DHRS12: variants seen among roughly 807,000 people sequenced by gnomAD.
DHRS12 encodes dehydrogenase/reductase 12.
Under a neutral mutation model 32.1 loss-of-function variants are expected in DHRS12, and 29 were observed. That is an observed-to-expected ratio of 0.90 (90% confidence interval 0.67 to 1.23). The LOEUF (loss-of-function observed/expected upper bound fraction) is 1.23, where lower values mean the gene tolerates loss of function less well. Among genes scored for constraint, DHRS12 ranks in the 50% most tolerant of loss-of-function variants. The pLI, the probability that DHRS12 is intolerant of heterozygous loss-of-function variation, is 0.00. For missense variants in DHRS12, 330 were observed against 337.2 expected, an observed-to-expected ratio of 0.98 and a Z score of 0.17; for synonymous variants, 150 against 135.9, an observed-to-expected ratio of 1.10 and a Z score of -0.72.
intron 4 of DHRS12, chr13:51,789,705 T>C (rs1284451835): frequency 1.0e-6 from 1 of 985,304 alleles, no homozygotes; most frequent in African/African-American, 1.7e-5. Flanking sequence ...GTTTTTAGAC[T>C]TGCACTCAAC....
chr13:51,758,531 A>G, the DHRS12 span, among the ~76,000 whole-genome samples: 1 of 150,608 alleles, frequency 6.6e-6, no homozygotes, highest in East Asian at 2.0e-4. Flanking sequence ...AGCCTGAGCA[A>G]CAAAGCAAGA....
chr13:51,797,311 G>A (rs1008752876), intron 2 of DHRS12, among the ~76,000 whole-genome samples: 3 of 152,038 alleles, frequency 2.0e-5, no homozygotes, highest in South Asian at 2.1e-4. Context: ...ATTTTGCACC[G>A]AGCCCCACTA....
chr13:51,771,980 A>G, intron 6 of DHRS12, 69 bp from the exon 7 acceptor site: 1 of 1,428,986 alleles, frequency 7.0e-7, no homozygotes, highest in Non-Finnish European at 9.8e-7. Context: ...GCAGGGGATA[A>G]GCCCTGCCCA....
At chr13:51,754,977 C>T in the DHRS12 span, among the ~76,000 whole-genome samples, 1 of 152,134 alleles carries the variant, frequency 6.6e-6, no homozygotes, top group African/African-American at 2.4e-5. Flanking sequence ...CTCTCATTTC[C>T]CCATCTGTGC....
intron 1 of DHRS12, among the ~76,000 whole-genome samples, chr13:51,801,813 A>C (rs1955768608): frequency 6.6e-6 from 1 of 152,212 alleles, no homozygotes; most frequent in African/African-American, 2.4e-5. Flanking sequence ...GCCCTTCTCC[A>C]GGGGCAGGAA....
the DHRS12 span, chr13:51,755,426 A>C: frequency 1.9e-6 from 3 of 1,614,094 alleles, no homozygotes; most frequent in Non-Finnish European, 2.5e-6. Flanking sequence ...ACTTCAAGCA[A>C]ATGTGGGACA....
chr13:51,801,729 T>C lies in DHRS12; in HGVS notation c.-8-2062A>G, dbSNP rs555840215. Among the ~76,000 whole-genome samples the C allele has an allele frequency of 1.1e-4, 16 of 152,268 alleles. No individual in the cohort carries two copies. In the South Asian group the frequency reaches 3.3e-3, roughly 32 times the overall value. On this transcript the variant is annotated intron_variant, in intron 1 of 8. Transcript: ENST00000444610. ...GGGGCTTAGCTAGGAGGAGGCATTG[T>C]GGGGAATGAGTGAGAACTTCCCAAA...
chr13:51,771,521 C>T (rs757736656), intron 7 of DHRS12: 6 of 1,612,910 alleles, frequency 3.7e-6, no homozygotes, highest in African/African-American at 2.7e-5. Context: ...CAATGGTCAC[C>T]GGCTCCCTCT....
the DHRS12 span, among the ~76,000 whole-genome samples, chr13:51,754,866 A>T: frequency 1.3e-5 from 2 of 152,194 alleles, no homozygotes; most frequent in African/African-American, 4.8e-5. Flanking sequence ...CCATGTCTTT[A>T]AATATTTATT....
At chr13:51,771,257 G>A in intron 7 of DHRS12, 1 of 1,552,322 alleles carries the variant, frequency 6.4e-7, no homozygotes, top group Non-Finnish European at 8.7e-7. Context: ...CTTGTTTGTA[G>A]AGGAGGAAAG....
In DHRS12 at chr13:51,769,207, G is replaced by T; in HGVS notation, c.646C>A (p.Leu216Met). ...EAQGADTMLW[L>M]ALSSAAAAQP... ...GCGGCTGCGGCAGAGGAGAGGGCCAGCCACAGCATGGTGTCCGCGCCCTGG... is the reference window on the plus strand; with the variant it reads ...GCGGCTGCGGCAGAGGAGAGGGCCATCCACAGCATGGTGTCCGCGCCCTGG... Residue 216 changes from leucine to methionine, a missense_variant, in exon 8 of 9, where the codon CTG becomes ATG. Transcript: ENST00000444610. The T allele has an allele frequency of 6.4e-7, 1 of 1,572,504 alleles. No homozygotes were observed. The highest frequency in any genetic ancestry group is 1.8e-5 in the Admixed American group (1 of 54,164).
intron 3 of DHRS12, among the ~76,000 whole-genome samples, chr13:51,790,939 A>C (rs1209919637): frequency 6.6e-6 from 1 of 152,142 alleles, no homozygotes; most frequent in African/African-American, 2.4e-5. Flanking sequence ...ATCCTCCCAC[A>C]ACACCTACCC....
chr13:51,755,612 C>CGGTA, the DHRS12 span, among the ~76,000 whole-genome samples: 2 of 152,062 alleles, frequency 1.3e-5, no homozygotes, highest in Non-Finnish European at 2.9e-5. Flanking sequence ...TTTACTCTGT[C>CGGTA]TACCATAGCC....
At chr13:51,784,362 G>C (rs1267431677) in intron 4 of DHRS12, among the ~76,000 whole-genome samples, 1 of 152,208 alleles carries the variant, frequency 6.6e-6, no homozygotes, top group Non-Finnish European at 1.5e-5. Context: ...GAGTTAGCCA[G>C]GTAGGGGACA....
At chr13:51,767,857 CA>C (rs1953818277), downstream of DHRS12, 1 of 312,386 alleles carries the variant, frequency 3.2e-6, no homozygotes, top group Non-Finnish European at 4.6e-6. Context: ...GTGGAGTTCA[CA>C]GGGGGGCATT....
At chr13:51,769,412 T>C (rs1412596798) in intron 7 of DHRS12, 119 bp from the exon 8 acceptor site, 4 of 881,832 alleles carry the variant, frequency 4.5e-6, no homozygotes, top group Non-Finnish European at 6.6e-6. Flanking sequence ...AACTGCTCCT[T>C]CTATTTTATA....
At chr13:51,765,295 C>T (rs538472720), downstream of DHRS12, 3 of 152,336 alleles carry the variant, frequency 2.0e-5, no homozygotes, top group African/African-American at 7.2e-5. Context: ...CACGTCAACC[C>T]TCCAGGGTTG....
chr13:51,801,624 TC>T (rs1955759401), intron 1 of DHRS12, among the ~76,000 whole-genome samples: 1 of 152,178 alleles, frequency 6.6e-6, no homozygotes, highest in South Asian at 2.1e-4. Flanking sequence ...AAGATTTTTT[TC>T]CCCCTAAACA....
At chr13:51,769,963 C>T (rs1415405316) in intron 7 of DHRS12, among the ~76,000 whole-genome samples, 2 of 152,162 alleles carry the variant, frequency 1.3e-5, no homozygotes, top group Non-Finnish European at 2.9e-5. Context: ...CCCATTTTCC[C>T]ACAGACCTCA....
Sources: gnomAD v4.1 joint callset for allele counts (sites outside exome capture counted in the v4.1 genomes callset) on GRCh38, gnomAD v4.1.1 for gene constraint, MANE v1.5 for transcripts, NCBI Gene and HGNC (gene_info 2026-07-23, HGNC 2026-07-21) for gene names.